UST: variants seen among roughly 807,000 people sequenced by gnomAD.
UST encodes the protein chondroitin sulfate 2-O-sulfotransferase.
In UST, 21 loss-of-function variants were observed where a neutral mutation model predicts 45.6. That is an observed-to-expected ratio of 0.46 (90% confidence interval 0.33 to 0.66). UST has a LOEUF of 0.66. Among genes scored for constraint, UST ranks in the 30% least tolerant of loss-of-function variants. UST has a pLI of 0.02. For missense variants in UST, 463 were observed against 512.4 expected (o/e 0.90, Z 0.93); for synonymous variants, 215 against 200.6 (o/e 1.07, Z -0.61).
At chr6:148,893,269 C>T (rs1779054473) in intron 2 of UST, among the ~76,000 whole-genome samples, 1 of 152,206 alleles carries the variant, frequency 6.6e-6, no homozygotes, top group South Asian at 2.1e-4. Flanking sequence ...ATCCAGCAAT[C>T]TCCAAATGAA....
At chr6:148,988,421 A>G (rs1781275915) in intron 5 of UST, among the ~76,000 whole-genome samples, 1 of 151,986 alleles carries the variant, frequency 6.6e-6, no homozygotes, top group South Asian at 2.1e-4. Flanking sequence ...TAAAAATACA[A>G]AAGGTAGCCC....
At chr6:148,885,961 C>T (rs1002685680) in intron 1 of UST, among the ~76,000 whole-genome samples, 8 of 152,324 alleles carry the variant, frequency 5.3e-5, no homozygotes, top group Admixed American at 6.5e-5. Flanking sequence ...GTCATTTTTA[C>T]TTTTCTGGTG....
At chr6:149,006,911 G>A (rs114756572) in intron 5 of UST, among the ~76,000 whole-genome samples, 2,132 of 152,060 alleles carry the variant, frequency 0.014, 53 homozygotes, top group African/African-American at 0.048. Context: ...TCTCTGTCTT[G>A]GTATGTTATG....
At chr6:148,847,459 T>C (rs1457611617) in intron 1 of UST, among the ~76,000 whole-genome samples, 1 of 152,238 alleles carries the variant, frequency 6.6e-6, no homozygotes, top group Non-Finnish European at 1.5e-5. Context: ...ATATAGTTGC[T>C]GCCTCAGCAT....
At chr6:148,753,265 G>A (rs746902477) in intron 1 of UST, among the ~76,000 whole-genome samples, 52 of 152,060 alleles carry the variant, frequency 3.4e-4, no homozygotes, top group Non-Finnish European at 5.9e-4. Flanking sequence ...AAGGAGAAAC[G>A]CCATACCCTT....
chr6:148,809,077 C>T lies in UST; in HGVS notation c.247+61400C>T, dbSNP rs560812989. ...AACTAATCATCACCTTGTACTCGAG[C>T]GAGGCCTGAAGTGCAGATGGGCTTG... On this transcript the variant is annotated intron_variant, in intron 1 of 7. Transcript: ENST00000367463. 1.2e-4 allele frequency among the ~76,000 whole-genome samples: 18 copies of T among 152,378 alleles called. No individual in the cohort carries two copies. The South Asian group carries it at 2.7e-3, about 23-fold the overall frequency.
intron 4 of UST, among the ~76,000 whole-genome samples, chr6:148,958,599 T>G (rs531075237): frequency 1.3e-5 from 2 of 152,340 alleles, no homozygotes; most frequent in Admixed American, 1.3e-4. Flanking sequence ...CAGAGTTAAC[T>G]TTAAGAAGCA....
At chr6:149,054,877 AGTG>A (rs1776539224) in intron 7 of UST, among the ~76,000 whole-genome samples, 1 of 152,218 alleles carries the variant, frequency 6.6e-6, no homozygotes, top group Non-Finnish European at 1.5e-5. Context: ...ACTGGAGTAC[AGTG>A]GTGCAGTCAC....
At chr6:148,912,084 C>G (rs1447026109) in intron 2 of UST, among the ~76,000 whole-genome samples, 3 of 152,184 alleles carry the variant, frequency 2.0e-5, no homozygotes, top group Admixed American at 1.3e-4. Flanking sequence ...GTAATCCCAG[C>G]TACTCGGGAG....
chr6:148,964,363 T>G (rs746277254), intron 4 of UST, 47 bp from the exon 5 acceptor site: 1 of 1,604,632 alleles, frequency 6.2e-7, no homozygotes, highest in Non-Finnish European at 8.5e-7. Flanking sequence ...TAGGCCCTGT[T>G]TTCGTCCTGC....
At chr6:149,005,518 A>G (rs1766633615) in intron 5 of UST, 7 of 985,436 alleles carry the variant, frequency 7.1e-6, no homozygotes, top group Non-Finnish European at 8.4e-6. Flanking sequence ...AGATAGAATT[A>G]GTAAAGTCTC....
intron 2 of UST, among the ~76,000 whole-genome samples, chr6:148,913,497 C>G (rs907156708): frequency 1.9e-5 from 2 of 105,458 alleles, no homozygotes; most frequent in African/African-American, 3.8e-5. Flanking sequence ...AGATGTATTT[C>G]TGTTGATTTA....
At chr6:148,923,808 T>C (rs1779761595) in intron 2 of UST, among the ~76,000 whole-genome samples, 1 of 152,164 alleles carries the variant, frequency 6.6e-6, no homozygotes, top group African/African-American at 2.4e-5. Flanking sequence ...GACTTAGATA[T>C]ACAACTGTAC....
chr6:148,879,534 C>G (rs1177134177), intron 1 of UST, among the ~76,000 whole-genome samples: 1 of 152,184 alleles, frequency 6.6e-6, no homozygotes, highest in African/African-American at 2.4e-5. Flanking sequence ...TAATTAAAAT[C>G]AGAATCGCTA....
intron 3 of UST, among the ~76,000 whole-genome samples, chr6:148,951,808 G>A (rs1034822791): frequency 3.9e-5 from 6 of 152,174 alleles, no homozygotes; most frequent in African/African-American, 1.4e-4. Context: ...TTGATTCTAT[G>A]TTTAAAGATA....
At chr6:148,918,117 A>C (rs1388377541) in intron 2 of UST, among the ~76,000 whole-genome samples, 1 of 152,190 alleles carries the variant, frequency 6.6e-6, no homozygotes, top group Non-Finnish European at 1.5e-5. Flanking sequence ...GAAGTACCTT[A>C]GTATTTGCTG....
At chr6:149,039,943 T>TGCCTG (rs1449332365) in intron 7 of UST, among the ~76,000 whole-genome samples, 1 of 152,232 alleles carries the variant, frequency 6.6e-6, no homozygotes, top group Non-Finnish European at 1.5e-5. Context: ...TCTGACCTCC[T>TGCCTG]GCCTGGCAGA....
At chr6:148,918,359 CT>C (rs1235544384) in intron 2 of UST, among the ~76,000 whole-genome samples, 1 of 152,164 alleles carries the variant, frequency 6.6e-6, no homozygotes, top group African/African-American at 2.4e-5. Flanking sequence ...AAATTAATCG[CT>C]TTTCCCCCAG....
intron 7 of UST, among the ~76,000 whole-genome samples, chr6:149,070,502 G>T (rs931509107): frequency 1.3e-5 from 2 of 152,190 alleles, no homozygotes; most frequent in African/African-American, 4.8e-5. Flanking sequence ...CAAGGATCTA[G>T]GCTCCCCTGT....
Sources: gnomAD v4.1 joint callset for allele counts (sites outside exome capture counted in the v4.1 genomes callset) on GRCh38, gnomAD v4.1.1 for gene constraint, MANE v1.5 for transcripts, NCBI Gene and HGNC (gene_info 2026-07-23, HGNC 2026-07-21) for gene names.